Variants in ATP23 observed in about 807,000 individuals in gnomAD.
ATP23 encodes ATP23 metallopeptidase and ATP synthase assembly factor homolog, also known as mitochondrial inner membrane protease ATP23 homolog.
ATP23 carries 24 observed loss-of-function variants against 28.5 expected under a neutral mutation model. The ratio of observed to expected loss-of-function variants is 0.84; its 90% CI spans 0.61 to 1.18. The LOEUF (loss-of-function observed/expected upper bound fraction) is 1.18. Among genes scored for constraint, ATP23 ranks in the 50% most tolerant of loss-of-function variants. The pLI is 0.00. For missense variants in ATP23, 274 were observed against 306.4 expected, an observed-to-expected ratio of 0.89 and a Z score of 0.79; for synonymous variants, 99 against 108.6, an observed-to-expected ratio of 0.91 and a Z score of 0.55.
intron 5 of ATP23, among the ~76,000 whole-genome samples, 196 bp downstream of exon 5, chr12:57,953,885 A>G (rs1238468194): frequency 6.6e-6 from 1 of 152,140 alleles, no homozygotes; most frequent in Non-Finnish European, 1.5e-5. Context: ...ATGTGACTCA[A>G]TGAGTGTGTG....
Position 57,953,595 on chromosome 12 carries a change from C to T in ATP23, c.454-11C>T. 1 of 1,611,628 alleles carries T rather than the reference C, an allele frequency of 6.2e-7. No individual in the cohort carries two copies. Among genetic ancestry groups the T allele is most frequent in the African/African-American group, 1.3e-5 (1 of 74,874 alleles). On this transcript the variant is annotated splice_polypyrimidine_tract_variant and intron_variant, in intron 4 of 5. Transcript: ENST00000300145. ...GCGTTTATTTCTTTTTATTTGTCTT[C>T]TGTGTGATAGGTTCGAGCTGCTAAC... is the stretch of plus-strand genomic sequence containing the variant.
intron 1 of ATP23, among the ~76,000 whole-genome samples, chr12:57,942,827 G>A (rs1191246443): frequency 6.6e-6 from 1 of 152,096 alleles, no homozygotes; most frequent in African/African-American, 2.4e-5. Flanking sequence ...GGGTTAAACA[G>A]GGACACAACT....
chr12:57,951,264 C>T (rs568604823), intron 3 of ATP23, among the ~76,000 whole-genome samples: 12 of 152,184 alleles, frequency 7.9e-5, no homozygotes, highest in East Asian at 1.9e-4. Context: ...CATATATTCT[C>T]ATTTAATTCT....
At chr12:57,950,016 C>T (rs1272772748) in intron 3 of ATP23, among the ~76,000 whole-genome samples, 1 of 152,118 alleles carries the variant, frequency 6.6e-6, no homozygotes, top group Non-Finnish European at 1.5e-5. Flanking sequence ...TCTAATTTAC[C>T]TCCTAAATAA....
intron 1 of ATP23, among the ~76,000 whole-genome samples, chr12:57,944,939 C>T (rs906517965): frequency 1.4e-4 from 21 of 152,148 alleles, no homozygotes; most frequent in African/African-American, 5.1e-4. Flanking sequence ...ATGGTATTGC[C>T]GGTATGATCT....
chr12:57,953,513 A>G (rs1592279643), intron 4 of ATP23, 93 bp from the exon 5 acceptor site: 1 of 1,026,850 alleles, frequency 9.7e-7, no homozygotes, highest in East Asian at 2.6e-5. Context: ...TGCTAATTTT[A>G]TATTCTTTTC....
chr12:57,946,629 A>G (rs2140530087), intron 2 of ATP23, among the ~76,000 whole-genome samples: 1 of 147,126 alleles, frequency 6.8e-6, no homozygotes, highest in African/African-American at 2.6e-5. Context: ...CTAATTTTGT[A>G]TTTTTAGTAG....
At chr12:57,950,771 T>G (rs1956807811) in intron 3 of ATP23, among the ~76,000 whole-genome samples, 1 of 152,180 alleles carries the variant, frequency 6.6e-6, no homozygotes, top group Admixed American at 6.6e-5. Context: ...TCAAGGAATC[T>G]GCCTGCCTCA....
rs1330812786 is a variant in ATP23 at position 57,950,063 on chromosome 12, T to A, written c.316-1695T>A. Reference sequence around the variant, plus strand: ...TCCACCACCATTCTAGCTGAAGTGCTGTTCTCTCTTGCCTAGAATATTAGC... The same window carrying A: ...TCCACCACCATTCTAGCTGAAGTGCAGTTCTCTCTTGCCTAGAATATTAGC... On this transcript the variant is annotated intron_variant, in intron 3 of 5. Transcript: ENST00000300145. 3.3e-5 allele frequency among the ~76,000 whole-genome samples: 5 copies of A among 152,250 alleles called. No homozygotes were observed. The East Asian group carries it at 9.6e-4, about 29-fold the overall frequency.
chr12:57,945,043 C>T (rs1222248024), intron 1 of ATP23, among the ~76,000 whole-genome samples: 1 of 152,160 alleles, frequency 6.6e-6, no homozygotes, highest in Non-Finnish European at 1.5e-5. Context: ...TTCCCTCAGT[C>T]TTTTGGTATA....
chr12:57,955,670 G>A (rs575488140), intron 5 of ATP23, among the ~76,000 whole-genome samples: 1 of 152,312 alleles, frequency 6.6e-6, no homozygotes, highest in African/African-American at 2.4e-5. Context: ...CTGGAGGGGA[G>A]AAATTTCCTC....
intron 4 of ATP23, among the ~76,000 whole-genome samples, chr12:57,952,548 G>A (rs906430353): frequency 4.6e-5 from 7 of 152,194 alleles, no homozygotes; most frequent in South Asian, 2.1e-4. Context: ...TAGAGAGAGC[G>A]TATTCTGCAT....
chr12:57,946,916 G>A, intron 2 of ATP23, 79 bp from the exon 3 acceptor site: 2 of 1,185,916 alleles, frequency 1.7e-6, no homozygotes, highest in South Asian at 2.7e-5. Flanking sequence ...TATGGTGGAG[G>A]GTCTCCTGAG....
At chr12:57,956,353 CT>C (rs530261008) in intron 5 of ATP23, among the ~76,000 whole-genome samples, 3,095 of 135,956 alleles carry the variant, frequency 0.023, 99 homozygotes, top group South Asian at 0.16. Context: ...ACTTTATAGA[CT>C]TTTTTTTTTT....
In ATP23 at chr12:57,958,278, C is replaced by G. The variant is rs1444655053; in HGVS notation, c.*1388C>G. Among the ~76,000 whole-genome samples the G allele has an allele frequency of 6.6e-6, 1 of 152,182 alleles. No homozygotes were observed. Among genetic ancestry groups the G allele is most frequent in the Non-Finnish European group, 1.5e-5 (1 of 68,030 alleles). ...CAGACATGTCTATCCCTGCCCCGAC[C>G]TGATGTTCCTTCCCTACCCACCCTG... On this transcript the variant is annotated 3_prime_UTR_variant, in exon 6 of 6. Transcript: ENST00000300145.
At chr12:57,951,409 T>C (rs1956813013) in intron 3 of ATP23, among the ~76,000 whole-genome samples, 1 of 152,178 alleles carries the variant, frequency 6.6e-6, no homozygotes, top group Admixed American at 6.5e-5. Context: ...TCTGTGTGCT[T>C]CATTCCAAAG....
intron 5 of ATP23, among the ~76,000 whole-genome samples, chr12:57,956,334 T>C (rs973354809): frequency 1.1e-4 from 17 of 151,024 alleles, no homozygotes; most frequent in Non-Finnish European, 2.4e-4. Flanking sequence ...TATCAAAAAG[T>C]CAATCAGGAC....
intron 5 of ATP23, among the ~76,000 whole-genome samples, chr12:57,955,766 G>A (rs1010429244): frequency 7.2e-5 from 11 of 152,028 alleles, no homozygotes; most frequent in African/African-American, 1.9e-4. Context: ...TAAAATCAGC[G>A]TTTAGTAAAA....
chr12:57,942,505 G>A (rs1365918027), intron 1 of ATP23, among the ~76,000 whole-genome samples: 2 of 151,074 alleles, frequency 1.3e-5, no homozygotes, highest in Non-Finnish European at 2.9e-5. Flanking sequence ...CTCACTGCAA[G>A]CTCCGCCTAC....
Sources: allele counts gnomAD v4.1 joint callset (sites outside exome capture counted in the v4.1 genomes callset), GRCh38; gene constraint gnomAD v4.1.1; transcripts MANE v1.5; gene names NCBI Gene and HGNC (gene_info 2026-07-23, HGNC 2026-07-21).